Variants in BRD1 observed in about 807,000 individuals in gnomAD.
The protein encoded by BRD1 is bromodomain containing 1.
A neutral mutation model predicts 107.7 loss-of-function variants in BRD1; 24 were observed. The observed-to-expected ratio is 0.22, with a 90% CI of 0.16 to 0.31. The LOEUF (loss-of-function observed/expected upper bound fraction) is 0.31, where lower values mean the gene tolerates loss of function less well. Among genes scored for constraint, BRD1 ranks in the 10% least tolerant of loss-of-function variants. The pLI is 1.00. For synonymous variants in BRD1, 744 were observed against 686.1 expected, an observed-to-expected ratio of 1.08 and a Z score of -1.32; for missense variants, 1,279 against 1,638.6, an observed-to-expected ratio of 0.78 and a Z score of 3.79.
In BRD1 at chr22:49,783,228, C is replaced by A. The variant is rs1370091489; in HGVS notation, c.2857+4162G>T. On this transcript the variant is annotated intron_variant, in intron 8 of 12. Coordinates refer to ENST00000404760, the MANE Select transcript of BRD1 (RefSeq NM_001304808.3). The surrounding 1 kb of genome is among the most constrained non-coding windows in gnomAD (Gnocchi z 4.2). ...CAAGATCCCACGCACAGATGCCCCA[C>A]CCCACGAGCAGGACTTCTCAGTTGG... Among the ~76,000 whole-genome samples, 1 of 152,280 alleles carries A rather than the reference C, an allele frequency of 6.6e-6. No individual in the cohort carries two copies. The highest frequency in any genetic ancestry group is 2.1e-4 in the South Asian group (1 of 4,834).
Position 49,783,845 on chromosome 22 carries a change from G to T in BRD1, c.2857+3545C>A, listed in dbSNP as rs938746322. Among the ~76,000 whole-genome samples the T allele has an allele frequency of 6.6e-6, 1 of 152,254 alleles. No individual in the cohort carries two copies. The highest frequency in any genetic ancestry group is 2.4e-5 in the African/African-American group (1 of 41,478). On this transcript the variant is annotated intron_variant, in intron 8 of 12. Coordinates refer to ENST00000404760, the MANE Select transcript of BRD1 (RefSeq NM_001304808.3). This position sits in a 1 kb window ranked among gnomAD's most constrained non-coding sequence, Gnocchi z 4.2. ...CCAATGTGATCCGCAAGAATTAAGT[G>T]AAAGGCAAGATGCAGTGATCTTTGT... is the stretch of plus-strand genomic sequence containing the variant.
At chr22:49,779,829 G>A (rs911379574) in intron 8 of BRD1, among the ~76,000 whole-genome samples, 7 of 152,008 alleles carry the variant, frequency 4.6e-5, no homozygotes, top group African/African-American at 1.5e-4. Flanking sequence ...CACCCAGCTC[G>A]CATCAGCAGT....
At chr22:49,793,289 T>C (rs2059467837) in intron 7 of BRD1, among the ~76,000 whole-genome samples, 4 of 152,258 alleles carry the variant, frequency 2.6e-5, no homozygotes, top group Admixed American at 2.0e-4. Flanking sequence ...CCAACCTAGA[T>C]GTACACAGAC....
chr22:49,794,417 C>T, intron 6 of BRD1, 123 bp from the exon 7 acceptor site: 1 of 1,308,268 alleles, frequency 7.6e-7, no homozygotes, highest in Non-Finnish European at 1.0e-6. Context: ...AGCAACGAGG[C>T]CCAGGCCCTG....
At chr22:49,825,420 C>A (rs1424795834) in intron 1 of BRD1, among the ~76,000 whole-genome samples, 2 of 152,116 alleles carry the variant, frequency 1.3e-5, no homozygotes, top group Non-Finnish European at 2.9e-5. Context: ...AGTGAGCTGC[C>A]TCCCATACCT....
Position 49,824,512 on chromosome 22 carries a change from G to A in BRD1, c.-14-181C>T. The A allele has an allele frequency of 1.4e-6, 2 of 1,417,474 alleles. No homozygotes were observed. The highest frequency in any genetic ancestry group is 1.8e-6 in the Non-Finnish European group (2 of 1,090,498). 87.8% of individuals were successfully genotyped at this position (1,417,474 alleles called of 1,614,324 possible). A position where few individuals can be genotyped will look rare whatever the true frequency, so the allele number is the denominator to read the frequency against. On this transcript the variant is annotated intron_variant, in intron 1 of 12. Transcript: ENST00000404760. The surrounding 1 kb of genome is among the most constrained non-coding windows in gnomAD (Gnocchi z 5.9). ...ACATCCAGGCCTGAGCGAGTCCCCA[G>A]GACCAGGGAGGGAGCAGCAGTAACA...
chr22:49,780,092 G>A (rs768864043), intron 8 of BRD1, among the ~76,000 whole-genome samples: 2 of 152,210 alleles, frequency 1.3e-5, no homozygotes, highest in Non-Finnish European at 2.9e-5. Context: ...CTTGGGGGAA[G>A]ACGATGACCA....
intron 2 of BRD1, among the ~76,000 whole-genome samples, chr22:49,819,861 G>A (rs1240728121): frequency 6.6e-6 from 1 of 152,144 alleles, no homozygotes; most frequent in Non-Finnish European, 1.5e-5. Context: ...CTGGCGCAGT[G>A]GCTCACGCCT....
At chr22:49,798,804 G>C (rs2059585499) in intron 4 of BRD1, 118 bp from the exon 5 acceptor site, 2 of 1,443,690 alleles carry the variant, frequency 1.4e-6, no homozygotes, top group African/African-American at 2.9e-5. Context: ...CCAGGCATAG[G>C]ACAACGCAGC....
intron 6 of BRD1, among the ~76,000 whole-genome samples, chr22:49,796,809 T>C (rs1233217913): frequency 6.6e-6 from 1 of 152,172 alleles, no homozygotes; most frequent in Non-Finnish European, 1.5e-5. Context: ...TTGAATCCCA[T>C]GATGGCGGGA....
intron 2 of BRD1, among the ~76,000 whole-genome samples, chr22:49,821,364 A>C (rs1359614413): frequency 6.6e-6 from 1 of 152,072 alleles, no homozygotes; most frequent in Non-Finnish European, 1.5e-5. Flanking sequence ...CTTAATACAA[A>C]CCCTAGACTT....
intron 1 of BRD1, among the ~76,000 whole-genome samples, chr22:49,827,245 C>CCCCGCCCGGCCTCCCCGTCTT (rs1267732443): frequency 2.0e-5 from 3 of 150,962 alleles, no homozygotes; most frequent in Non-Finnish European, 4.4e-5. Context: ...TACCCGGTCT[C>CCCCGCCCGGCCTCCCCGTCTT]CCCGCCCGGC....
chr22:49,807,197 T>C (rs2059762995), intron 2 of BRD1: 1 of 152,072 alleles, frequency 6.6e-6, no homozygotes, highest in Admixed American at 6.6e-5. Flanking sequence ...AAGATGTCAA[T>C]ACCACCGAAA....
At chr22:49,796,654 G>A (rs1345186821) in intron 6 of BRD1, among the ~76,000 whole-genome samples, 1 of 152,210 alleles carries the variant, frequency 6.6e-6, no homozygotes, top group African/African-American at 2.4e-5. Context: ...CACAGAACCT[G>A]GCCCTATCCC....
At position 49,794,116 on chromosome 22, in the gene BRD1, G is replaced by A; in HGVS notation, c.2277C>T (p.His759=). 6.2e-7 allele frequency: 1 copy of A among 1,614,240 alleles called. No individual in the cohort carries two copies. Among genetic ancestry groups the A allele is most frequent in the Non-Finnish European group, 8.5e-7 (1 of 1,180,048 alleles). Reference sequence around the variant, plus strand: ...CTGGCCCCGTGGGCAGGGGCTGGCTGTGCTGCTGGCTCAGCTTGTTTCGGA... The same window carrying A: ...CTGGCCCCGTGGGCAGGGGCTGGCTATGCTGCTGGCTCAGCTTGTTTCGGA... ...ALLRNKLSQQ[H]SQPLPTGPGL... The change falls in exon 7 of 13, where the codon CAC becomes CAT. Residue 759 remains histidine (H), a synonymous_variant. Transcript: ENST00000404760.
intron 3 of BRD1, among the ~76,000 whole-genome samples, chr22:49,801,264 C>T (rs944433352): frequency 2.0e-5 from 3 of 152,216 alleles, no homozygotes; most frequent in African/African-American, 4.8e-5. Context: ...GTTCTCCCTG[C>T]GGCCTTCAAC....
At chr22:49,779,858 AC>A (rs745759384) in intron 8 of BRD1, among the ~76,000 whole-genome samples, 18 of 151,674 alleles carry the variant, frequency 1.2e-4, no homozygotes, top group Non-Finnish European at 2.5e-4. Context: ...GGAGCCCAGC[AC>A]CCCTGCCAGC....
intron 2 of BRD1, among the ~76,000 whole-genome samples, chr22:49,821,373 T>C (rs1226582501): frequency 1.3e-5 from 2 of 152,182 alleles, no homozygotes; most frequent in Non-Finnish European, 2.9e-5. Context: ...AACCCTAGAC[T>C]TTTTGACTCA....
chr22:49,824,239 T>TG lies in BRD1; in HGVS notation c.78_79insC (p.Thr27HisfsTer19). ...TGAGCGTAGGTCAGCGTTTCTCGCG[T>TG]AGGGGAGTGTTTAACACTGCATGGG... On this transcript the variant is annotated frameshift_variant, in exon 2 of 13. Coordinates refer to ENST00000404760, the MANE Select transcript of BRD1 (RefSeq NM_001304808.3). LOFTEE classifies it high-confidence loss of function. This position sits in a 1 kb window ranked among gnomAD's most constrained non-coding sequence, Gnocchi z 5.9. 6.2e-7 allele frequency: 1 copy of TG among 1,613,972 alleles called. No individual in the cohort carries two copies.
Sources: gnomAD v4.1 joint callset for allele counts (sites outside exome capture counted in the v4.1 genomes callset) on GRCh38, gnomAD v4.1.1 for gene constraint, Gnocchi (gnomAD v3.1) non-coding constraint, MANE v1.5 for transcripts, NCBI Gene and HGNC (gene_info 2026-07-23, HGNC 2026-07-21) for gene names.